FAM83B: variants seen among roughly 807,000 people sequenced by gnomAD.
FAM83B encodes the protein scaffolding CK1 anchoring protein B.
A neutral mutation model predicts 38.8 loss-of-function variants in FAM83B; 26 were observed. That is an observed-to-expected ratio of 0.67 (90% CI 0.49 to 0.93). FAM83B has a LOEUF of 0.93. FAM83B is among the 40% of genes least tolerant of loss of function. The probability of loss-of-function intolerance (pLI) is 0.00; values close to 1 mark genes in which losing one functional copy is unlikely to be tolerated. For missense variants in FAM83B, 1,237 were observed against 1,197.3 expected (o/e 1.03, Z -0.49); for synonymous variants, 419 against 423.1 (o/e 0.99, Z 0.12).
chr6:54,918,841 C>T (rs554527015), intron 2 of FAM83B, among the ~76,000 whole-genome samples: 1 of 152,138 alleles, frequency 6.6e-6, no homozygotes, highest in Non-Finnish European at 1.5e-5. Context: ...ATTGCCTCCT[C>T]TCTGTCTTCC....
intron 1 of FAM83B, among the ~76,000 whole-genome samples, chr6:54,864,739 G>A (rs1017709577): frequency 6.6e-6 from 1 of 152,124 alleles, no homozygotes; most frequent in Non-Finnish European, 1.5e-5. Flanking sequence ...AGAAAGAAAA[G>A]ATATATGATT....
chr6:54,897,318 C>A (rs1205610275), intron 2 of FAM83B, among the ~76,000 whole-genome samples: 2 of 151,842 alleles, frequency 1.3e-5, no homozygotes, highest in Non-Finnish European at 2.9e-5. Flanking sequence ...TATATAATCT[C>A]CTTGCTGATA....
Position 54,942,116 on chromosome 6 carries a change from A to C in FAM83B, c.*109A>C. 9.1e-7 allele frequency: 1 copy of C among 1,100,214 alleles called. No individual in the cohort carries two copies. Among genetic ancestry groups the C allele is most frequent in the Non-Finnish European group, 1.3e-6 (1 of 778,334 alleles). The allele number at this position is 1,100,214 out of a possible 1,614,324, so 68.2% of individuals were successfully genotyped here. ...TCCTAAGGACAGAATTATGGGTATG[A>C]TGTATATGTTCACCAGTGTCCTAGT... On this transcript the variant is annotated 3_prime_UTR_variant, in exon 5 of 5. Transcript: ENST00000306858.
rs1561934815 is a variant in FAM83B, at chr6:54,942,732, T to TTTTTTTTTTTTTTTTTTTTTTTTTTG, written c.*725_*726insTTTTTTTTTTTTTTTTTTTTTTTTTG. ...TTACCCATAGGCTGCTGATTTTTTA[T>TTTTTTTTTTTTTTTTTTTTTTTTTTG]AGTCATTCCTTACTTCACATTTAGG... On this transcript the variant is annotated 3_prime_UTR_variant, in exon 5 of 5. Transcript: ENST00000306858. 3.3e-5 allele frequency among the ~76,000 whole-genome samples: 5 copies of TTTTTTTTTTTTTTTTTTTTTTTTTTG among 151,752 alleles called. No individual in the cohort carries two copies. Among genetic ancestry groups the TTTTTTTTTTTTTTTTTTTTTTTTTTG allele is most frequent in the African/African-American group, 1.2e-4 (5 of 41,108 alleles).
intron 1 of FAM83B, among the ~76,000 whole-genome samples, chr6:54,854,604 A>G (rs1004239388): frequency 1.1e-4 from 17 of 152,208 alleles, no homozygotes; most frequent in African/African-American, 3.9e-4. Context: ...GATGTTTCAG[A>G]CATAATGCTA....
rs957389104 is a variant in FAM83B at position 54,847,870 on chromosome 6, G to A, written c.-61+1044G>A. Among the ~76,000 whole-genome samples the A allele has an allele frequency of 2.0e-5, 3 of 152,230 alleles. No homozygotes were observed. In the South Asian group the frequency reaches 6.2e-4, roughly 32 times the overall value. Reference sequence around the variant, plus strand: ...TAAGAAGAAGGTGTGCGGGTGGCAAGCAATTGAGGCTAGAATTTAATGCTC... The same window carrying A: ...TAAGAAGAAGGTGTGCGGGTGGCAAACAATTGAGGCTAGAATTTAATGCTC... On this transcript the variant is annotated intron_variant, in intron 1 of 4. Coordinates refer to ENST00000306858, the MANE Select transcript of FAM83B (RefSeq NM_001010872.3).
chr6:54,859,355 C>T (rs1451438031), intron 1 of FAM83B, among the ~76,000 whole-genome samples: 1 of 152,168 alleles, frequency 6.6e-6, no homozygotes, highest in Non-Finnish European at 1.5e-5. Flanking sequence ...CCACTGCACC[C>T]GGCCACGGGT....
chr6:54,870,154 C>G (rs771673694), intron 1 of FAM83B, 33 bp from the exon 2 acceptor site: 1 of 966,146 alleles, frequency 1.0e-6, no homozygotes, highest in Non-Finnish European at 1.6e-6. Flanking sequence ...CGAATTTTAA[C>G]TTGATCTTGA....
Position 54,911,882 on chromosome 6 carries a change from T to C in FAM83B, c.445-14489T>C, listed in dbSNP as rs373146108. Among the ~76,000 whole-genome samples the C allele has an allele frequency of 2.6e-5, 4 of 152,132 alleles. No homozygotes were observed. The East Asian group carries it at 7.7e-4, about 29-fold the overall frequency. ...CTTTTTAATATTATTTGTGTCCTTA[T>C]GTATGAAAGATGAAATTATTCAGCC... On this transcript the variant is annotated intron_variant, in intron 2 of 4. Coordinates refer to ENST00000306858, the MANE Select transcript of FAM83B (RefSeq NM_001010872.3).
chr6:54,913,991 A>G (rs1200515001), intron 2 of FAM83B, among the ~76,000 whole-genome samples: 1 of 152,104 alleles, frequency 6.6e-6, no homozygotes, highest in African/African-American at 2.4e-5. Context: ...ATATCCAGTC[A>G]GTGTTGATCT....
At chr6:54,901,424 G>C (rs9464159) in intron 2 of FAM83B, among the ~76,000 whole-genome samples, 2,054 of 144,824 alleles carry the variant, frequency 0.014, 50 homozygotes, top group African/African-American at 0.05. Context: ...TTACAAGATA[G>C]TTTTATTTCT....
Position 54,870,191 on chromosome 6 carries a change from TTCTC to T in FAM83B, c.-55_-52del. The T allele has an allele frequency of 7.4e-7, 1 of 1,349,762 alleles. No homozygotes were observed. Among genetic ancestry groups the T allele is most frequent in the Admixed American group, 1.9e-5 (1 of 52,364 alleles). 83.6% of individuals were successfully genotyped at this position (1,349,762 alleles called of 1,614,324 possible). ...TTTCTTCTTTTCAAATACCAGATAC[TTCTC>T]ACCACTGCATGAATGGACATTTGAA... On this transcript the variant is annotated 5_prime_UTR_variant, in exon 2 of 5. Coordinates refer to ENST00000306858, the MANE Select transcript of FAM83B (RefSeq NM_001010872.3).
chr6:54,897,834 C>T (rs1328127377), intron 2 of FAM83B, among the ~76,000 whole-genome samples: 2 of 152,054 alleles, frequency 1.3e-5, no homozygotes, highest in African/African-American at 4.8e-5. Flanking sequence ...TATTTATTTT[C>T]TAATCAGCAA....
At chr6:54,861,831 C>T (rs1044601987) in intron 1 of FAM83B, among the ~76,000 whole-genome samples, 4 of 152,238 alleles carry the variant, frequency 2.6e-5, no homozygotes, top group Admixed American at 2.6e-4. Flanking sequence ...CTCACCGGAC[C>T]AACTCCAAGT....
chr6:54,872,640 G>A (rs959503846), intron 2 of FAM83B, among the ~76,000 whole-genome samples: 1 of 152,120 alleles, frequency 6.6e-6, no homozygotes, highest in Non-Finnish European at 1.5e-5. Flanking sequence ...CACCCACTGG[G>A]AACCGAACAT....
intron 1 of FAM83B, among the ~76,000 whole-genome samples, chr6:54,857,855 C>G (rs1045103319): frequency 1.3e-5 from 2 of 151,960 alleles, no homozygotes; most frequent in Admixed American, 6.6e-5. Context: ...TCGGGAAGAC[C>G]TCTCAGAGAA....
intron 4 of FAM83B, among the ~76,000 whole-genome samples, chr6:54,928,558 G>A (rs1346333769): frequency 1.3e-5 from 2 of 151,804 alleles, no homozygotes; most frequent in South Asian, 2.1e-4. Context: ...CTTTAAGCTC[G>A]GGACCTTTTT....
intron 1 of FAM83B, among the ~76,000 whole-genome samples, chr6:54,863,361 C>T (rs1000229425): frequency 6.6e-6 from 1 of 152,174 alleles, no homozygotes; most frequent in Admixed American, 6.5e-5. Flanking sequence ...CACATGTACA[C>T]TTGAGGGCCT....
chr6:54,862,223 G>T (rs1471189786), intron 1 of FAM83B, among the ~76,000 whole-genome samples: 2 of 152,184 alleles, frequency 1.3e-5, no homozygotes, highest in African/African-American at 4.8e-5. Context: ...ATGGGAACCT[G>T]GCCTGCCACA....
Sources: allele counts gnomAD v4.1 joint callset (sites outside exome capture counted in the v4.1 genomes callset), GRCh38; gene constraint gnomAD v4.1.1; transcripts MANE v1.5; gene names NCBI Gene and HGNC (gene_info 2026-07-23, HGNC 2026-07-21).